NR6A1: variants seen among roughly 807,000 people sequenced by gnomAD.
NR6A1 encodes nuclear receptor subfamily 6 group A member 1, also known as retinoic acid receptor-related testis-associated receptor.
A neutral mutation model predicts 59.1 loss-of-function variants in NR6A1; 7 were observed. The ratio of observed to expected loss-of-function variants is 0.12; its 90% confidence interval spans 0.07 to 0.22. The LOEUF (loss-of-function observed/expected upper bound fraction) is 0.22. Among genes scored for constraint, NR6A1 ranks in the 10% least tolerant of loss-of-function variants. NR6A1 has a pLI of 1.00. For missense variants in NR6A1, 468 were observed against 611.6 expected (o/e 0.77, Z 2.48); for synonymous variants, 243 against 236.1 (o/e 1.03, Z -0.27).
intron 2 of NR6A1, among the ~76,000 whole-genome samples, chr9:124,655,419 A>G (rs1837231216): frequency 1.3e-5 from 2 of 152,212 alleles, no homozygotes; most frequent in Admixed American, 6.5e-5. Flanking sequence ...TAAATTAGCT[A>G]AATGTATTCA....
intron 8 of NR6A1, among the ~76,000 whole-genome samples, chr9:124,525,284 AACACACACACACACACACACACACAC>A (rs71492413): frequency 1.5e-5 from 2 of 137,304 alleles, no homozygotes; most frequent in South Asian, 2.4e-4. Context: ...ATGCTTGTAA[AACACACACACACACACACACACACAC>A]ACACACACAC....
At chr9:124,755,666 A>G (rs1031770873) in intron 1 of NR6A1, among the ~76,000 whole-genome samples, 1 of 152,234 alleles carries the variant, frequency 6.6e-6, no homozygotes, top group African/African-American at 2.4e-5. Context: ...CTGCGAATAT[A>G]TTCTACCCTT....
At chr9:124,684,484 C>T (rs1265797943) in intron 2 of NR6A1, among the ~76,000 whole-genome samples, 1 of 152,160 alleles carries the variant, frequency 6.6e-6, no homozygotes, top group African/African-American at 2.4e-5. Flanking sequence ...TTCTGAAATA[C>T]CTTCAAGACA....
At chr9:124,680,090 ATGTGTG>A (rs57251719) in intron 2 of NR6A1, among the ~76,000 whole-genome samples, 4,226 of 143,214 alleles carry the variant, frequency 0.03, 132 homozygotes, top group East Asian at 0.098. Context: ...GTGTGTATGT[ATGTGTG>A]TGTGTGTGTG....
chr9:124,655,600 G>GT (rs1314179194), intron 2 of NR6A1, among the ~76,000 whole-genome samples: 4 of 152,176 alleles, frequency 2.6e-5, no homozygotes, highest in African/African-American at 7.2e-5. Context: ...GGCTCACAGT[G>GT]TAACAGGAAA....
intron 2 of NR6A1, among the ~76,000 whole-genome samples, chr9:124,694,975 C>A (rs1838697018): frequency 6.6e-6 from 1 of 152,184 alleles, no homozygotes; most frequent in Non-Finnish European, 1.5e-5. Context: ...TCTAGAGTTG[C>A]TTTTAAAATG....
At chr9:124,639,507 G>C (rs1588731959) in intron 2 of NR6A1, among the ~76,000 whole-genome samples, 1 of 152,154 alleles carries the variant, frequency 6.6e-6, no homozygotes, top group African/African-American at 2.4e-5. Flanking sequence ...GTTACCAAAA[G>C]AACCAAATCT....
At chr9:124,754,302 A>C (rs1237855211) in intron 1 of NR6A1, among the ~76,000 whole-genome samples, 1 of 152,256 alleles carries the variant, frequency 6.6e-6, no homozygotes, top group Non-Finnish European at 1.5e-5. Context: ...TCAACTGACC[A>C]AATTGCCAAA....
intron 9 of NR6A1, among the ~76,000 whole-genome samples, chr9:124,524,371 G>C (rs1239972192): frequency 4.6e-5 from 7 of 152,104 alleles, no homozygotes; most frequent in African/African-American, 1.7e-4. Flanking sequence ...CTCTTTTAAA[G>C]TACACAATTC....
intron 3 of NR6A1, among the ~76,000 whole-genome samples, chr9:124,549,336 G>A (rs1429822968): frequency 6.6e-6 from 1 of 152,192 alleles, no homozygotes. Flanking sequence ...ATTGTGAGTG[G>A]GGAACACCAA....
chr9:124,632,620 T>G (rs1836480494), intron 2 of NR6A1, among the ~76,000 whole-genome samples: 1 of 152,192 alleles, frequency 6.6e-6, no homozygotes, highest in Non-Finnish European at 1.5e-5. Flanking sequence ...AATGCCAAGA[T>G]TTGTAAGGTT....
intron 2 of NR6A1, among the ~76,000 whole-genome samples, chr9:124,618,175 C>G (rs1835955665): frequency 6.6e-6 from 1 of 152,118 alleles, no homozygotes; most frequent in East Asian, 1.9e-4. Context: ...ATACTGTAAG[C>G]AGCAATGAGT....
intron 2 of NR6A1, among the ~76,000 whole-genome samples, chr9:124,567,804 T>G (rs113990797): frequency 5.6e-4 from 84 of 151,306 alleles, no homozygotes; most frequent in African/African-American, 2.0e-3. Flanking sequence ...GCAGCAAAGA[T>G]TCAAGCAGAT....
intron 2 of NR6A1, among the ~76,000 whole-genome samples, chr9:124,651,916 C>T (rs1443622900): frequency 6.6e-6 from 1 of 152,110 alleles, no homozygotes; most frequent in Non-Finnish European, 1.5e-5. Context: ...TTCTGCCTCT[C>T]CCAAGAAACA....
At position 124,554,227 on chromosome 9, in the gene NR6A1, G is replaced by A. The variant is rs970371652; in HGVS notation, c.385+101C>T. On this transcript the variant is annotated intron_variant, in intron 3 of 9. Coordinates refer to ENST00000487099, the MANE Select transcript of NR6A1 (RefSeq NM_033334.4). ...GTTATGAGTACAAACTATAAGGCCT[G>A]ATATGTAGTGCAAGCTTGAGGAATA... 6 of 1,555,304 alleles carry A rather than the reference G, an allele frequency of 3.9e-6. No homozygotes were observed. The African/African-American group carries it at 8.1e-5, about 21-fold the overall frequency.
chr9:124,687,692 A>T (rs567357119), intron 2 of NR6A1, among the ~76,000 whole-genome samples: 3 of 152,312 alleles, frequency 2.0e-5, no homozygotes, highest in South Asian at 2.1e-4. Context: ...ACAACACATT[A>T]TTTTGGCCTA....
intron 2 of NR6A1, among the ~76,000 whole-genome samples, chr9:124,700,760 T>TTCC: frequency 7.0e-6 from 1 of 143,772 alleles, no homozygotes; most frequent in African/African-American, 2.6e-5. Flanking sequence ...TAGCCTTTTT[T>TTCC]TTTTTTTTTT....
At chr9:124,763,820 C>G (rs1010916560) in intron 1 of NR6A1, among the ~76,000 whole-genome samples, 7 of 152,132 alleles carry the variant, frequency 4.6e-5, no homozygotes, top group African/African-American at 1.4e-4. Flanking sequence ...ATTTTTAATT[C>G]TTCCAAGGTG....
At chr9:124,640,062 T>G (rs1836727576) in intron 2 of NR6A1, among the ~76,000 whole-genome samples, 1 of 152,150 alleles carries the variant, frequency 6.6e-6, no homozygotes. Context: ...TAAGTGGAAA[T>G]TTGAGAAAAA....
Sources: gnomAD v4.1 joint callset for allele counts (sites outside exome capture counted in the v4.1 genomes callset) on GRCh38, gnomAD v4.1.1 for gene constraint, MANE v1.5 for transcripts, NCBI Gene and HGNC (gene_info 2026-07-23, HGNC 2026-07-21) for gene names.